The following EVC2 variants were observed in gnomAD, a reference collection of about 807,000 sequenced individuals.
The protein encoded by EVC2 is limbin.
In EVC2, 148 loss-of-function variants were observed where a neutral mutation model predicts 149.3. That is an observed-to-expected ratio of 0.99 (90% CI 0.87 to 1.14). EVC2 has a LOEUF of 1.14. EVC2 is among the 50% of genes most tolerant of loss of function. The pLI, the probability that EVC2 is intolerant of heterozygous loss-of-function variation, is 0.00. For synonymous variants in EVC2, 776 were observed against 649.9 expected, an observed-to-expected ratio of 1.19 and a Z score of -2.95; for missense variants, 1,854 against 1,627.3, an observed-to-expected ratio of 1.14 and a Z score of -2.40.
intron 4 of EVC2, 86 bp downstream of exon 4, chr4:5,691,179 G>C: frequency 2.5e-6 from 3 of 1,220,734 alleles, no homozygotes; most frequent in Non-Finnish European, 3.6e-6. Flanking sequence ...TGATTTATCA[G>C]TTCTTAAATA....
intron 21 of EVC2, among the ~76,000 whole-genome samples, chr4:5,544,459 A>C (rs1192828940): frequency 6.6e-6 from 1 of 152,166 alleles, no homozygotes; most frequent in Non-Finnish European, 1.5e-5. Flanking sequence ...TTCTGTGGAA[A>C]GTTTGGGTAC....
intron 16 of EVC2, among the ~76,000 whole-genome samples, chr4:5,611,311 G>C (rs1180625277): frequency 6.6e-6 from 1 of 152,168 alleles, no homozygotes; most frequent in Non-Finnish European, 1.5e-5. Flanking sequence ...AATGTGATGA[G>C]TATGGAGATT....
At chr4:5,538,302 T>C (rs1721456886), downstream of EVC2, among the ~76,000 whole-genome samples, 1 of 152,190 alleles carries the variant, frequency 6.6e-6, no homozygotes. Context: ...AGATACTGTA[T>C]ACTCAAAGAA....
At position 5,625,537 on chromosome 4, in the gene EVC2, T is replaced by C. The variant is rs116726301; in HGVS notation, c.2046+212A>G. ...TTACTAGTCTATTGTGACCCTCTGC[T>C]GTGCTTGGGCTGGATAAGAATTGTA... On this transcript the variant is annotated intron_variant, in intron 13 of 21. Coordinates refer to ENST00000344408, the MANE Select transcript of EVC2 (RefSeq NM_147127.5). This position sits in a 1 kb window ranked among gnomAD's most constrained non-coding sequence, Gnocchi z 4.0. Among the ~76,000 whole-genome samples the C allele has an allele frequency of 8.6e-3, 1,310 of 152,342 alleles. 15 individuals are homozygous for C. Among genetic ancestry groups the C allele is most frequent in the African/African-American group, 0.03 (1,234 of 41,576 alleles).
chr4:5,659,459 T>C (rs1356579561), intron 9 of EVC2, among the ~76,000 whole-genome samples: 1 of 150,262 alleles, frequency 6.7e-6, no homozygotes, highest in African/African-American at 2.4e-5. Context: ...CCACAATGCC[T>C]GAAACTGAAT....
At chr4:5,605,100 CA>C (rs1397100228) in intron 16 of EVC2, among the ~76,000 whole-genome samples, 5 of 152,154 alleles carry the variant, frequency 3.3e-5, no homozygotes, top group African/African-American at 4.8e-5. Flanking sequence ...TACTTTCTTA[CA>C]CATATTTAAT....
chr4:5,694,313 A>C, intron 3 of EVC2, 22 bp downstream of exon 3: 1 of 1,612,736 alleles, frequency 6.2e-7, no homozygotes, highest in African/African-American at 1.3e-5. Context: ...ATTTGTGTTA[A>C]AGCATTGAAC....
downstream of EVC2, among the ~76,000 whole-genome samples, chr4:5,557,655 T>C (rs961758792): frequency 8.5e-5 from 13 of 152,112 alleles, no homozygotes; most frequent in Admixed American, 7.9e-4. Flanking sequence ...ATAGAACATC[T>C]CAGAACTGAC....
chr4:5,698,250 T>G (rs1721610627), intron 1 of EVC2, among the ~76,000 whole-genome samples: 1 of 152,152 alleles, frequency 6.6e-6, no homozygotes, highest in Non-Finnish European at 1.5e-5. Context: ...GGTTCAAACG[T>G]TAGCCCTGCC....
At chr4:5,610,330 C>T (rs752371748) in intron 16 of EVC2, among the ~76,000 whole-genome samples, 6 of 152,248 alleles carry the variant, frequency 3.9e-5, no homozygotes, top group South Asian at 2.1e-4. Context: ...GGCACTAAAA[C>T]GCAAACAAAG....
intron 16 of EVC2, among the ~76,000 whole-genome samples, chr4:5,612,536 A>G (rs57127008): frequency 0.11 from 16,811 of 152,140 alleles, 1,790 homozygotes; most frequent in African/African-American, 0.28. Context: ...TGGAAGGAAG[A>G]GGGAACAAAC....
chr4:5,562,705 A>G lies in EVC2; in HGVS notation c.*143T>C, dbSNP rs1304763796. The G allele has an allele frequency of 6.5e-7, 1 of 1,536,248 alleles. No individual in the cohort carries two copies. The highest frequency in any genetic ancestry group is 8.7e-7 in the Non-Finnish European group (1 of 1,150,610). The stretch of plus-strand genomic sequence containing the variant: ...GACAAGATTAAACCGAGTCCCTGCA[A>G]GTTGGCATGCGCTACGGGGTCTGTG... On this transcript the variant is annotated 3_prime_UTR_variant, in exon 22 of 22. Transcript: ENST00000344408. This position sits in a 1 kb window ranked among gnomAD's most constrained non-coding sequence, Gnocchi z 4.3.
In EVC2 at chr4:5,683,675, G is replaced by A. The variant is rs557903055; in HGVS notation, c.816+1695C>T. 1.3e-3 allele frequency among the ~76,000 whole-genome samples: 201 copies of A among 152,258 alleles called. 2 individuals are homozygous for A. The highest frequency in any genetic ancestry group is 6.0e-3 in the South Asian group (29 of 4,822). ...AAGTAACAGGCGGGACTATTTCAGG[G>A]TGGGGCAGGGGAAGCCACGAGGAAG... On this transcript the variant is annotated intron_variant, in intron 6 of 21. Coordinates refer to ENST00000344408, the MANE Select transcript of EVC2 (RefSeq NM_147127.5).
intron 7 of EVC2, among the ~76,000 whole-genome samples, chr4:5,672,759 G>A (rs144004876): frequency 1.1e-4 from 16 of 152,294 alleles, no homozygotes; most frequent in Non-Finnish European, 2.1e-4. Context: ...TAAGCCAAAC[G>A]TCCTGATGAA....
At chr4:5,580,040 A>G (rs866969680) in intron 17 of EVC2, among the ~76,000 whole-genome samples, 8 of 152,166 alleles carry the variant, frequency 5.3e-5, no homozygotes, top group African/African-American at 1.2e-4. Flanking sequence ...ATATGTTCCA[A>G]TTTTGCAAAA....
Position 5,628,595 on chromosome 4 carries a change from G to A in EVC2, c.1850C>T (p.Ala617Val). The part of the protein sequence containing the change: ...TRVQGLLSTA[A>V]AQLTHLIQKH... The stretch of plus-strand genomic sequence containing the variant: ...CTGAATGAGGTGAGTCAGCTGGGCT[G>A]CAGCGGTGCTCAGAAGGCCCTGCAC... Residue 617 changes from alanine to valine, a missense_variant, in exon 12 of 22, where the codon GCA becomes GTA. Coordinates refer to ENST00000344408, the MANE Select transcript of EVC2 (RefSeq NM_147127.5). 1 of 1,614,118 alleles carries A rather than the reference G, an allele frequency of 6.2e-7. No individual in the cohort carries two copies. The highest frequency in any genetic ancestry group is 1.7e-5 in the Admixed American group (1 of 60,016).
chr4:5,608,260 C>T (rs1348315630), intron 16 of EVC2, among the ~76,000 whole-genome samples: 1 of 152,206 alleles, frequency 6.6e-6, no homozygotes, highest in African/African-American at 2.4e-5. Context: ...GCATACTCTG[C>T]AGCCCAACGG....
rs867316819 is a variant in EVC2 at position 5,696,921 on chromosome 4, G to C, written c.283+672C>G. Among the ~76,000 whole-genome samples the C allele has an allele frequency of 6.6e-6, 1 of 152,322 alleles. No homozygotes were observed. The highest frequency in any genetic ancestry group is 1.5e-5 in the Non-Finnish European group (1 of 68,034). On this transcript the variant is annotated intron_variant, in intron 2 of 21. Transcript: ENST00000344408. This position sits in a 1 kb window ranked among gnomAD's most constrained non-coding sequence, Gnocchi z 4.1. The stretch of plus-strand genomic sequence containing the variant: ...CAAATGTGATTCCATTAAGGGCTTC[G>C]AGATGGGGAGATTGCCTGGATTATC...
chr4:5,603,964 G>A (rs970207269), intron 16 of EVC2, among the ~76,000 whole-genome samples: 6 of 152,184 alleles, frequency 3.9e-5, no homozygotes, highest in African/African-American at 1.2e-4. Flanking sequence ...TCTGCTAGCC[G>A]AATGCAGGGA....
Sources: allele counts gnomAD v4.1 joint callset (sites outside exome capture counted in the v4.1 genomes callset), GRCh38; gene constraint gnomAD v4.1.1; non-coding constraint Gnocchi (gnomAD v3.1); transcripts MANE v1.5; gene names NCBI Gene and HGNC (gene_info 2026-07-23, HGNC 2026-07-21).